The following AFTPH variants were observed in gnomAD, a reference collection of about 807,000 sequenced individuals.
AFTPH encodes the protein aftiphilin protein.
Under a neutral mutation model 72.5 loss-of-function variants are expected in AFTPH, and 7 were observed. The observed-to-expected ratio is 0.10, with a 90% CI of 0.05 to 0.18. AFTPH has a LOEUF of 0.18. Ranked by LOEUF, AFTPH falls within the 10% of genes least tolerant of loss-of-function variation. The probability of loss-of-function intolerance (pLI) is 1.00; values close to 1 mark genes in which losing one functional copy is unlikely to be tolerated. For missense variants in AFTPH, 979 were observed against 1,060.5 expected, an observed-to-expected ratio of 0.92 and a Z score of 1.07; for synonymous variants, 337 against 370.1, an observed-to-expected ratio of 0.91 and a Z score of 1.03.
At chr2:64,578,029 C>CTA (rs1672928680) in intron 6 of AFTPH, among the ~76,000 whole-genome samples, 1 of 152,142 alleles carries the variant, frequency 6.6e-6, no homozygotes, top group Non-Finnish European at 1.5e-5. Flanking sequence ...ACAACCATCC[C>CTA]TATCCCATCC....
intron 2 of AFTPH, among the ~76,000 whole-genome samples, chr2:64,555,681 G>T (rs568804979): frequency 6.6e-6 from 1 of 152,136 alleles, no homozygotes; most frequent in Non-Finnish European, 1.5e-5. Flanking sequence ...GAATTTGGAT[G>T]TTGGGAAAGA....
intron 2 of AFTPH, among the ~76,000 whole-genome samples, chr2:64,555,301 C>T (rs1046742900): frequency 2.0e-5 from 3 of 152,076 alleles, no homozygotes; most frequent in Non-Finnish European, 4.4e-5. Flanking sequence ...TGGCTCATGC[C>T]TGTAATCACA....
chr2:64,551,427 T>C lies in AFTPH; in HGVS notation c.-32-16T>C. On this transcript the variant is annotated splice_polypyrimidine_tract_variant and intron_variant, in intron 1 of 8. Coordinates refer to ENST00000238856, the Ensembl canonical transcript of AFTPH. The stretch of plus-strand genomic sequence containing the variant: ...TAATCTGTCCCCTCCAAAAATTCTT[T>C]TTTTCTTTTTTACAGGTGTAAATTA... The C allele has an allele frequency of 4.5e-6, 7 of 1,552,032 alleles. No individual in the cohort carries two copies. Among genetic ancestry groups the C allele is most frequent in the Non-Finnish European group, 5.2e-6 (6 of 1,154,104 alleles).
intron 1 of AFTPH, among the ~76,000 whole-genome samples, chr2:64,539,577 T>C (rs1036528254): frequency 6.6e-6 from 1 of 152,216 alleles, no homozygotes; most frequent in African/African-American, 2.4e-5. Context: ...GGTGTGGTTA[T>C]AGAAATCTAA....
intron 6 of AFTPH, among the ~76,000 whole-genome samples, chr2:64,575,703 ATGTGTGTGTGTGTGTGTG>A (rs149890368): frequency 0.36 from 51,948 of 145,704 alleles, 9,261 homozygotes; most frequent in South Asian, 0.4. Flanking sequence ...ATGTGTGTAT[ATGTGTGTGTGTGTGTGTG>A]TGTGTGTGTG....
intron 8 of AFTPH, among the ~76,000 whole-genome samples, chr2:64,590,247 C>A (rs1673744012): frequency 6.6e-6 from 1 of 152,118 alleles, no homozygotes; most frequent in South Asian, 2.1e-4. Context: ...TATAGGTGTC[C>A]TACAGAATGT....
chr2:64,556,329 G>A (rs1477790255), intron 2 of AFTPH, among the ~76,000 whole-genome samples: 1 of 152,144 alleles, frequency 6.6e-6, no homozygotes, highest in Admixed American at 6.6e-5. Context: ...TTTTTTAGTG[G>A]TAAAAGTTGA....
chr2:64,554,999 G>C (rs1671269528), intron 2 of AFTPH, among the ~76,000 whole-genome samples: 1 of 152,168 alleles, frequency 6.6e-6, no homozygotes, highest in Non-Finnish European at 1.5e-5. Context: ...GGATATAGGA[G>C]ATAATAAAGC....
intron 1 of AFTPH, among the ~76,000 whole-genome samples, chr2:64,539,135 T>G (rs1188565477): frequency 6.6e-6 from 1 of 152,220 alleles, no homozygotes; most frequent in African/African-American, 2.4e-5. Flanking sequence ...CTTTAAAGCA[T>G]GTCTGCTGTT....
chr2:64,548,452 C>G (rs568594824), intron 1 of AFTPH, among the ~76,000 whole-genome samples: 12 of 136,080 alleles, frequency 8.8e-5, no homozygotes, highest in Non-Finnish European at 1.4e-4. Context: ...AAAAAGGAAT[C>G]CTGTAGTTAA....
At chr2:64,586,515 T>G (rs1673521700) in intron 8 of AFTPH, among the ~76,000 whole-genome samples, 1 of 152,270 alleles carries the variant, frequency 6.6e-6, no homozygotes, top group Non-Finnish European at 1.5e-5. Context: ...AACTTTAGCT[T>G]GAATTATCAT....
chr2:64,554,542 A>G (rs1671243044), intron 2 of AFTPH, among the ~76,000 whole-genome samples: 2 of 152,232 alleles, frequency 1.3e-5, no homozygotes, highest in South Asian at 4.1e-4. Flanking sequence ...TAATTGAAAT[A>G]CTTATATTTC....
At chr2:64,564,027 C>G (rs1268082344) in intron 2 of AFTPH, among the ~76,000 whole-genome samples, 1 of 152,166 alleles carries the variant, frequency 6.6e-6, no homozygotes, top group Non-Finnish European at 1.5e-5. Flanking sequence ...TTAAACTCTA[C>G]AAGGAGTAAC....
At chr2:64,532,290 G>A (rs1389808873) in intron 1 of AFTPH, among the ~76,000 whole-genome samples, 1 of 152,098 alleles carries the variant, frequency 6.6e-6, no homozygotes, top group Non-Finnish European at 1.5e-5. Flanking sequence ...AGGGAAAGGA[G>A]GAGTAAGGCT....
At position 64,589,951 on chromosome 2, in the gene AFTPH, G is replaced by C. The variant is rs918739979; in HGVS notation, c.2580-1934G>C. 5.3e-4 allele frequency among the ~76,000 whole-genome samples: 76 copies of C among 143,816 alleles called. 1 individual carries two copies. Among genetic ancestry groups the C allele is most frequent in the East Asian group, 1.6e-3 (6 of 3,744 alleles). 94.3% of individuals were successfully genotyped at this position (143,816 alleles called of 152,430 possible). On this transcript the variant is annotated intron_variant, in intron 8 of 8. Transcript: ENST00000238856. ...CCTATGCAAATACATATATGGGGGG[G>C]GGGGGGGGGTTTCCACCAAAAATGA...
chr2:64,543,549 T>C (rs984025492), intron 1 of AFTPH, among the ~76,000 whole-genome samples: 6 of 152,330 alleles, frequency 3.9e-5, no homozygotes, highest in East Asian at 1.9e-4. Context: ...CTTATTTCTG[T>C]ATAAGATGTT....
intron 1 of AFTPH, among the ~76,000 whole-genome samples, chr2:64,548,354 C>T (rs1464914104): frequency 7.7e-6 from 1 of 129,300 alleles, no homozygotes; most frequent in Non-Finnish European, 1.6e-5. Context: ...GATTGCGCCA[C>T]TGCAGTCCGC....
At chr2:64,554,561 G>A (rs1572982477) in intron 2 of AFTPH, among the ~76,000 whole-genome samples, 1 of 152,146 alleles carries the variant, frequency 6.6e-6, no homozygotes, top group Admixed American at 6.5e-5. Context: ...TCATTGCCTT[G>A]ATAACTTTGA....
intron 2 of AFTPH, among the ~76,000 whole-genome samples, chr2:64,558,874 TCA>T (rs1558613397): frequency 6.6e-6 from 1 of 152,066 alleles, no homozygotes; most frequent in African/African-American, 2.4e-5. Flanking sequence ...CAGGGCACAC[TCA>T]CACACACATA....
Sources: allele counts gnomAD v4.1 joint callset (sites outside exome capture counted in the v4.1 genomes callset), GRCh38; gene constraint gnomAD v4.1.1; transcripts MANE v1.5; gene names NCBI Gene and HGNC (gene_info 2026-07-23, HGNC 2026-07-21).